The following ACSL4 variants were observed in gnomAD, a reference collection of about 807,000 sequenced individuals.
ACSL4 encodes the protein long-chain-fatty-acid--CoA ligase 4.
ACSL4 carries 9 observed loss-of-function variants against 49.1 expected under a neutral mutation model. The observed-to-expected ratio is 0.18, with a 90% CI of 0.11 to 0.32. The LOEUF is 0.32. Among genes scored for constraint, ACSL4 ranks in the 10% least tolerant of loss-of-function variants. ACSL4 has a pLI of 1.00. For synonymous variants in ACSL4, 191 were observed against 170.3 expected (o/e 1.12, Z -0.95); for missense variants, 333 against 493.7 (o/e 0.67, Z 3.08).
intron 15 of ACSL4, among the ~76,000 whole-genome samples, chrX:109,651,994 A>C (rs1921179440): frequency 2.7e-5 from 3 of 111,756 alleles, no homozygotes; most frequent in Non-Finnish European, 5.7e-5. Context: ...CAAACAAAAC[A>C]AACAAAAATG....
At chrX:109,690,269 G>C (rs1924939303) in intron 2 of ACSL4, among the ~76,000 whole-genome samples, 1 of 112,190 alleles carries the variant, frequency 8.9e-6, no homozygotes, top group African/African-American at 3.2e-5. Flanking sequence ...GAATGATACT[G>C]CTATCCCATC....
At chrX:109,687,952 T>C (rs1277942902) in intron 2 of ACSL4, among the ~76,000 whole-genome samples, 2 of 111,569 alleles carry the variant, frequency 1.8e-5, no homozygotes, top group Non-Finnish European at 3.8e-5. Flanking sequence ...TACCTGTACC[T>C]ATGCAGCTGA....
At chrX:109,690,108 T>A (rs1174147624) in intron 2 of ACSL4, among the ~76,000 whole-genome samples, 1 of 112,691 alleles carries the variant, frequency 8.9e-6, no homozygotes, top group African/African-American at 3.2e-5. Context: ...TGTTGTTAGT[T>A]GCTTAATAGA....
intron 15 of ACSL4, among the ~76,000 whole-genome samples, chrX:109,648,454 G>A (rs1186830474): frequency 9.0e-6 from 1 of 111,100 alleles, no homozygotes; most frequent in Non-Finnish European, 1.9e-5. Context: ...TGCAGAAAAG[G>A]CCTTTGACAA....
At chrX:109,659,131 T>C (rs567273157) in intron 15 of ACSL4, among the ~76,000 whole-genome samples, 2 of 112,298 alleles carry the variant, frequency 1.8e-5, no homozygotes, top group Admixed American at 1.9e-4. Flanking sequence ...GATGACCACT[T>C]TGGGAAAGAT....
At chrX:109,663,932 CACTAA>C (rs1183779971) in intron 12 of ACSL4, among the ~76,000 whole-genome samples, 4 of 111,115 alleles carry the variant, frequency 3.6e-5, no homozygotes, top group Non-Finnish European at 5.7e-5. Context: ...GAAGTTCAAA[CACTAA>C]ACTAATTGAT....
intron 9 of ACSL4, among the ~76,000 whole-genome samples, chrX:109,670,823 C>T (rs1349966362): frequency 2.7e-5 from 3 of 112,558 alleles, no homozygotes; most frequent in East Asian, 2.9e-4. Context: ...GACGGGGTTT[C>T]GCCATGCTGG....
At chrX:109,650,332 GA>G (rs1313968659) in intron 15 of ACSL4, among the ~76,000 whole-genome samples, 1 of 109,820 alleles carries the variant, frequency 9.1e-6, no homozygotes, top group Non-Finnish European at 1.9e-5. Context: ...ATACACCAGG[GA>G]ATACTATGCA....
At chrX:109,645,195 C>CT (rs1934614029) in intron 15 of ACSL4, among the ~76,000 whole-genome samples, 1 of 113,216 alleles carries the variant, frequency 8.8e-6, no homozygotes, top group Non-Finnish European at 1.9e-5. Context: ...CTGCCTGCCT[C>CT]TGTAGGCTCC....
chrX:109,690,245 C>T (rs1030997762), intron 2 of ACSL4, among the ~76,000 whole-genome samples: 18 of 112,288 alleles, frequency 1.6e-4, no homozygotes, highest in Admixed American at 1.5e-3. Flanking sequence ...GTATGCTGTC[C>T]TTCCATGTAT....
intron 1 of ACSL4, among the ~76,000 whole-genome samples, chrX:109,724,504 G>A (rs750242642): frequency 3.6e-5 from 4 of 111,535 alleles, no homozygotes; most frequent in African/African-American, 3.3e-5. Flanking sequence ...ATGCAATGAC[G>A]TGAGTGATCA....
chrX:109,682,753 A>C lies in ACSL4; in HGVS notation c.372T>G (p.Ile124Met). 5 of 1,211,917 alleles carry C rather than the reference A, an allele frequency of 4.1e-6. No homozygotes were observed. The highest frequency in any genetic ancestry group is 5.6e-6 in the Non-Finnish European group (5 of 895,564). Residue 124 changes from isoleucine to methionine, a missense_variant, in exon 4 of 16, where the codon ATT (isoleucine) becomes ATG (methionine). This residue lies in a region of ACSL4 where 157 missense variants were observed against 201.1 expected (regional missense o/e 0.78). Transcript: ENST00000672401. Reference protein sequence around the residue: ...IFCETRAEWMIAAQTCFKYNF... With the variant: ...IFCETRAEWMMAAQTCFKYNF... ...TGTACTTAAAGCAGGTCTGTGCTGC[A>C]ATCATCCATTCGGCCCTGGTCTCAC...
At chrX:109,645,683 G>A (rs1438049435) in intron 15 of ACSL4, among the ~76,000 whole-genome samples, 3 of 112,293 alleles carry the variant, frequency 2.7e-5, no homozygotes, top group African/African-American at 6.5e-5. Context: ...AATGACTCTG[G>A]CGAGCTGAGA....
chrX:109,674,429 C>T lies in ACSL4; in HGVS notation c.975G>A (p.Leu325=). Residue 325 remains leucine, a synonymous_variant, in exon 9 of 16, where the codon CTG becomes CTA. Transcript: ENST00000672401. ...GAACAGCAGCCATAAGTGTGGGCTT[C>T]AGTACAGTACAGTCTCCTTTGCTTC... ...KKGSKGDCTV[L]KPTLMAAVPE... is the part of the protein sequence containing the mutation. 8.3e-7 allele frequency: 1 copy of T among 1,206,886 alleles called. No homozygotes were observed. The highest frequency in any genetic ancestry group is 1.1e-6 in the Non-Finnish European group (1 of 891,217).
chrX:109,699,731 T>C (rs763946705), intron 1 of ACSL4, among the ~76,000 whole-genome samples: 25 of 111,684 alleles, frequency 2.2e-4, no homozygotes, highest in African/African-American at 6.2e-4. Context: ...ATATTTTGGG[T>C]TTTTTTCCTG....
At chrX:109,712,424 T>G (rs1339618610) in intron 1 of ACSL4, among the ~76,000 whole-genome samples, 2 of 111,988 alleles carry the variant, frequency 1.8e-5, no homozygotes, top group African/African-American at 6.5e-5. Flanking sequence ...TCTGACCAAG[T>G]ACAAACTTGA....
chrX:109,664,715 C>T (rs1463011114), intron 12 of ACSL4, among the ~76,000 whole-genome samples: 3 of 111,834 alleles, frequency 2.7e-5, no homozygotes, highest in Admixed American at 9.5e-5. Context: ...AATTTTTAGT[C>T]CGTGTTCCAT....
rs778897045 is a variant in ACSL4, at chrX:109,646,068, G to A, written c.1856-1882C>T. On this transcript the variant is annotated intron_variant, in intron 15 of 15. Coordinates refer to ENST00000672401, the MANE Select transcript of ACSL4 (RefSeq NM_001318510.2). ...GATTGGTGTACCTGAAAGTGATGGG[G>A]AGAATGGAACCAAGTTGGAAAACAC... 5.3e-5 allele frequency among the ~76,000 whole-genome samples: 6 copies of A among 112,168 alleles called. No homozygotes were observed. The East Asian group carries it at 1.7e-3, about 31-fold the overall frequency.
intron 15 of ACSL4, among the ~76,000 whole-genome samples, chrX:109,658,156 T>G (rs1163034403): frequency 9.0e-6 from 1 of 111,627 alleles, no homozygotes; most frequent in Admixed American, 9.5e-5. Flanking sequence ...TCTAGCTCAA[T>G]CAGTAGTAGT....
Sources: allele counts gnomAD v4.1 joint callset (sites outside exome capture counted in the v4.1 genomes callset), GRCh38; gene constraint gnomAD v4.1.1; regional missense constraint gnomAD v4.1.1; transcripts MANE v1.5; gene names NCBI Gene and HGNC (gene_info 2026-07-23, HGNC 2026-07-21).